BSN: variants seen among roughly 807,000 people sequenced by gnomAD.
BSN encodes the protein bassoon presynaptic cytomatrix protein.
BSN carries 57 observed loss-of-function variants against 264.8 expected under a neutral mutation model. The observed-to-expected ratio is 0.22, with a 90% CI of 0.17 to 0.27. BSN has a LOEUF of 0.27. BSN is among the 10% of genes least tolerant of loss of function. The probability of loss-of-function intolerance (pLI) is 1.00; values close to 1 mark genes in which losing one functional copy is unlikely to be tolerated. For missense variants in BSN, 4,615 were observed against 5,232.5 expected, an observed-to-expected ratio of 0.88 and a Z score of 3.64; for synonymous variants, 2,059 against 2,137.3, an observed-to-expected ratio of 0.96 and a Z score of 1.01.
chr3:49,662,130 G>T lies in BSN; in HGVS notation c.10285G>T (p.Asp3429Tyr). The T allele has an allele frequency of 6.2e-7, 1 of 1,613,568 alleles. No homozygotes were observed. The highest frequency in any genetic ancestry group is 8.5e-7 in the Non-Finnish European group (1 of 1,180,044). Residue 3429 changes from aspartate (D) to tyrosine (Y), a missense_variant, in exon 6 of 12, where the codon GAC (aspartate) becomes TAC (tyrosine). By Grantham distance (160) the Asp-to-Tyr change is radical. This residue lies in a region of BSN where 3,415 missense variants were observed against 3,866.4 expected (regional missense o/e 0.88). Coordinates refer to ENST00000296452, the MANE Select transcript of BSN (RefSeq NM_003458.4). Reference sequence around the variant, plus strand: ...AAAATACTATGGGATGTCCAGCCGGGACGCAGTGGAGGACGACCGCATTTA... The same window carrying T: ...AAAATACTATGGGATGTCCAGCCGGTACGCAGTGGAGGACGACCGCATTTA... ...QQKYYGMSSR[D>Y]AVEDDRIYGG...
At chr3:49,663,958 G>A in intron 8 of BSN, 72 bp downstream of exon 8, 1 of 1,415,184 alleles carries the variant, frequency 7.1e-7, no homozygotes, top group East Asian at 2.3e-5. Context: ...TACCACCTGT[G>A]CCCTGAGCTC....
At chr3:49,636,712 G>T (rs2052422732) in intron 2 of BSN, among the ~76,000 whole-genome samples, 1 of 152,228 alleles carries the variant, frequency 6.6e-6, no homozygotes, top group Non-Finnish European at 1.5e-5. Flanking sequence ...GGCCTCCCCT[G>T]GCTGGTCCAG....
chr3:49,622,549 G>A (rs1391559850), intron 1 of BSN, among the ~76,000 whole-genome samples: 1 of 152,104 alleles, frequency 6.6e-6, no homozygotes, highest in East Asian at 1.9e-4. Context: ...CTACTTATTG[G>A]GCAACACAAA....
chr3:49,610,600 A>AC (rs951792155), intron 1 of BSN, among the ~76,000 whole-genome samples: 2 of 151,636 alleles, frequency 1.3e-5, no homozygotes, highest in African/African-American at 2.4e-5. Flanking sequence ...AAAAAAAAAA[A>AC]AAAAAACAAG....
At chr3:49,646,423 G>A (rs1308603927) in intron 3 of BSN, among the ~76,000 whole-genome samples, 1 of 152,216 alleles carries the variant, frequency 6.6e-6, no homozygotes, top group East Asian at 1.9e-4. Context: ...CCCTTGAGAA[G>A]TCGGGCCTCC....
chr3:49,563,814 A>G (rs1468217992), intron 1 of BSN, among the ~76,000 whole-genome samples: 1 of 152,212 alleles, frequency 6.6e-6, no homozygotes, highest in African/African-American at 2.4e-5. Context: ...GTGAACACCC[A>G]AGATCAGTGG....
rs2052660626 is a variant in BSN, at chr3:49,661,937, C to T, written c.10092C>T (p.Gly3364=). The stretch of plus-strand genomic sequence containing the variant: ...AGCGCAGCAAGCACCGGAAGCAGGG[C>T]ATGGAGCAAAAGATATCCAAGTTCT... ...SSKRSKHRKQ[G]MEQKISKFSP... Residue 3364 remains glycine, a synonymous_variant, in exon 6 of 12, where the codon GGC becomes GGT. Coordinates refer to ENST00000296452, the MANE Select transcript of BSN (RefSeq NM_003458.4). 1 of 1,613,964 alleles carries T rather than the reference C, an allele frequency of 6.2e-7. No individual in the cohort carries two copies. The highest frequency in any genetic ancestry group is 1.3e-5 in the African/African-American group (1 of 75,064).
rs1238933831 is a variant in BSN at position 49,661,701 on chromosome 3, A to G, written c.9856A>G (p.Arg3286Gly). 1 of 1,613,704 alleles carries G rather than the reference A, an allele frequency of 6.2e-7. No homozygotes were observed. The highest frequency in any genetic ancestry group is 8.5e-7 in the Non-Finnish European group (1 of 1,180,032). ...GCCCACACTGCCCTGCTGCTATGCC[A>G]GAGGAGAAGAGGAATCTGAGGAGGA... is the stretch of plus-strand genomic sequence containing the variant. Reference protein sequence around the residue: ...DGPTLPCCYARGEEESEEDSY... With the variant: ...DGPTLPCCYAGGEEESEEDSY... Residue 3286 changes from arginine to glycine, a missense_variant, in exon 6 of 12, where the codon AGA becomes GGA. Around this residue, in one of 3 missense-constraint regions of BSN, gnomAD observed 3,415 missense variants for 3,866.4 expected, o/e 0.88. Transcript: ENST00000296452.
chr3:49,592,145 T>G (rs895150842), intron 1 of BSN, among the ~76,000 whole-genome samples: 1 of 151,922 alleles, frequency 6.6e-6, no homozygotes, highest in African/African-American at 2.4e-5. Context: ...GGAGTCTCAC[T>G]CTGTCCCATG....
At position 49,643,055 on chromosome 3, in the gene BSN, T is replaced by C; in HGVS notation, c.1421T>C (p.Val474Ala). Residue 474 changes from valine (V) to alanine (A), a missense_variant, in exon 3 of 12, where the codon GTG becomes GCG. Around this residue, in one of 3 missense-constraint regions of BSN, gnomAD observed 1,197 missense variants for 1,348.0 expected, o/e 0.89. Coordinates refer to ENST00000296452, the MANE Select transcript of BSN (RefSeq NM_003458.4). ...CCACTGTGCCAAGCCGAGCTCAACGTGGGCAGCAAGAGCCCAGCCAACTAT... is the reference window on the plus strand; with the variant it reads ...CCACTGTGCCAAGCCGAGCTCAACGCGGGCAGCAAGAGCCCAGCCAACTAT... ...ICPLCQAELN[V>A]GSKSPANYNT... The C allele has an allele frequency of 1.2e-6, 2 of 1,614,058 alleles. No individual in the cohort carries two copies. The highest frequency in any genetic ancestry group is 1.7e-6 in the Non-Finnish European group (2 of 1,180,036).
chr3:49,657,441 C>T lies in BSN; in HGVS notation c.7885C>T (p.Arg2629Cys), dbSNP rs1234078307. 4.3e-6 allele frequency: 7 copies of T among 1,612,698 alleles called. No individual in the cohort carries two copies. The highest frequency in any genetic ancestry group is 3.3e-5 in the South Asian group (3 of 91,076). The change falls in exon 5 of 12, where the codon CGC (arginine) becomes TGC (cysteine). Residue 2629 changes from arginine to cysteine, a missense_variant. Arg to Cys is a radical substitution (Grantham distance 180). Around this residue, in one of 3 missense-constraint regions of BSN, gnomAD observed 3,415 missense variants for 3,866.4 expected, o/e 0.88. Coordinates refer to ENST00000296452, the MANE Select transcript of BSN (RefSeq NM_003458.4). ...TGAGTGGGAGCAGCCAGTGCGCCGC[C>T]GCAGGTCTCGTCTTCCCCGCCACTC... ...SAEWEQPVRRRRSRLPRHSDS... is the reference protein window; with the variant it reads ...SAEWEQPVRRCRSRLPRHSDS...
chr3:49,656,874 C>G lies in BSN; in HGVS notation c.7318C>G (p.Leu2440Val), dbSNP rs2052607694. ...QQEERQAQFA[L>V]QREQLAQQRL... ...AGAGGAACGCCAGGCTCAATTTGCA[C>G]TGCAGCGGGAACAGCTAGCGCAGCA... Residue 2440 changes from leucine to valine, a missense_variant, in exon 5 of 12, where the codon CTG (leucine) becomes GTG (valine). Transcript: ENST00000296452. 6.2e-7 allele frequency: 1 copy of G among 1,602,028 alleles called. No homozygotes were observed.
Position 49,625,150 on chromosome 3 carries a change from A to T in BSN, c.400A>T (p.Arg134Trp). The T allele has an allele frequency of 6.3e-7, 1 of 1,584,262 alleles. No individual in the cohort carries two copies. ...GPRRTLQVDS[R>W]TQRSGRSPSV... ...CCGCAGGACGCTGCAGGTAGACAGC[A>T]GGACACAGAGATCAGGGCGGTCCCC... Residue 134 changes from arginine to tryptophan, a missense_variant, in exon 2 of 12, where the codon AGG becomes TGG. Physicochemically the swap from Arg to Trp is moderately radical, Grantham distance 101. Around this residue, in one of 3 missense-constraint regions of BSN, gnomAD observed 1,197 missense variants for 1,348.0 expected, o/e 0.89. Transcript: ENST00000296452. This position sits in a 1 kb window ranked among gnomAD's most constrained non-coding sequence, Gnocchi z 4.4.
At chr3:49,665,202 T>G in intron 10 of BSN, 27 bp from the exon 11 acceptor site, 1 of 221,016 alleles carries the variant, frequency 4.5e-6, no homozygotes. Flanking sequence ...GCAACTCCTC[T>G]CCAGCCCTCC....
At chr3:49,608,927 A>G (rs2052181115) in intron 1 of BSN, among the ~76,000 whole-genome samples, 1 of 151,422 alleles carries the variant, frequency 6.6e-6, no homozygotes, top group African/African-American at 2.4e-5. Flanking sequence ...AGGTGAGGAG[A>G]GAGAGGGAGG....
rs1437574102 is a variant in BSN, at chr3:49,643,000, A to G, written c.1366A>G (p.Lys456Glu). 1.1e-5 allele frequency: 17 copies of G among 1,614,132 alleles called. No individual in the cohort carries two copies. Among genetic ancestry groups the G allele is most frequent in the Non-Finnish European group, 1.4e-5 (17 of 1,180,018 alleles). Residue 456 changes from lysine to glutamate, a missense_variant, in exon 3 of 12, where the codon AAG becomes GAG. This residue lies in a region of BSN where 1,197 missense variants were observed against 1,348.0 expected (regional missense o/e 0.89). Coordinates refer to ENST00000296452, the MANE Select transcript of BSN (RefSeq NM_003458.4). The surrounding 1 kb of genome is among the most constrained non-coding windows in gnomAD (Gnocchi z 7.0). ...AGCATCGAAGGCTGCTGCCAAGCCA[A>G]AGACCATGCCGAAGGAAAGGGCCAT... ...QAASKAAAKP[K>E]TMPKERAICP...
rs1341835225 is a variant in BSN, at chr3:49,663,200, C to T, written c.11042C>T (p.Pro3681Leu). Residue 3681 changes from proline to leucine, a missense_variant, in exon 7 of 12, where the codon CCC becomes CTC. Transcript: ENST00000296452. ...GACCTGGGTCGCCATGAGGCCCGGC[C>T]CCACTCTCAGCCCAGCTCTGCTCCA... ...ARDLGRHEAR[P>L]HSQPSSAPAM... The T allele has an allele frequency of 1.2e-6, 2 of 1,613,844 alleles. No individual in the cohort carries two copies. Among genetic ancestry groups the T allele is most frequent in the Non-Finnish European group, 1.7e-6 (2 of 1,180,010 alleles).
At chr3:49,574,902 T>C (rs1190163051) in intron 1 of BSN, among the ~76,000 whole-genome samples, 1 of 151,040 alleles carries the variant, frequency 6.6e-6, no homozygotes, top group African/African-American at 2.4e-5. Flanking sequence ...CCTCCCAAAA[T>C]GCTGGGATTA....
chr3:49,637,127 C>T (rs1032390236), intron 2 of BSN, among the ~76,000 whole-genome samples: 2 of 152,238 alleles, frequency 1.3e-5, no homozygotes, highest in Non-Finnish European at 2.9e-5. Context: ...CGGCATCAGG[C>T]GTGATGTCAG....
Sources: allele counts gnomAD v4.1 joint callset (sites outside exome capture counted in the v4.1 genomes callset), GRCh38; gene constraint gnomAD v4.1.1; regional missense constraint gnomAD v4.1.1; non-coding constraint Gnocchi (gnomAD v3.1); transcripts MANE v1.5; gene names NCBI Gene and HGNC (gene_info 2026-07-23, HGNC 2026-07-21).